Variants in TANC2 observed in about 807,000 individuals in gnomAD.
TANC2 encodes the protein tetratricopeptide repeat, ankyrin repeat and coiled-coil containing 2.
A neutral mutation model predicts 210.5 loss-of-function variants in TANC2; 26 were observed. That is an observed-to-expected ratio of 0.12 (90% CI 0.09 to 0.17). TANC2 has a LOEUF of 0.17. Ranked by LOEUF, TANC2 falls within the 10% of genes least tolerant of loss-of-function variation. The pLI, the probability that TANC2 is intolerant of heterozygous loss-of-function variation, is 1.00. For missense variants in TANC2, 2,129 were observed against 2,608.9 expected (o/e 0.82, Z 4.01); for synonymous variants, 931 against 967.1 (o/e 0.96, Z 0.69).
intron 14 of TANC2, among the ~76,000 whole-genome samples, chr17:63,368,750 T>C (rs2047180344): frequency 6.6e-6 from 1 of 152,134 alleles, no homozygotes; most frequent in Non-Finnish European, 1.5e-5. Flanking sequence ...AAAAACTACA[T>C]GTGAAATGAA....
Position 63,399,156 on chromosome 17 carries a change from G to A in TANC2, c.3331+242G>A, listed in dbSNP as rs8073525. The A allele has an allele frequency of 7.7e-3, 2,123 of 274,610 alleles. 47 individuals are homozygous for A. The highest frequency in any genetic ancestry group is 0.042 in the African/African-American group (1,934 of 45,544). The allele number at this position is 274,610 out of a possible 1,614,324, so 17.0% of individuals were successfully genotyped here. On this transcript the variant is annotated intron_variant, in intron 19 of 27. Coordinates refer to ENST00000689528, the Ensembl canonical transcript of TANC2. The stretch of plus-strand genomic sequence containing the variant: ...TCAAACAAAACTTTTTCCCTCTCTT[G>A]TTTCCAAATATTTTTAAAAGACTGA...
In TANC2 at chr17:63,255,955, G is replaced by A. The variant is rs146180760; in HGVS notation, c.1034-11793G>A. On this transcript the variant is annotated intron_variant, in intron 8 of 27. Transcript: ENST00000689528. ...CAGTCTCACTCTGTTGCCCTGGCTG[G>A]AGTGCAGTGGTGTGATCCCAGCTCA... Among the ~76,000 whole-genome samples the A allele has an allele frequency of 4.8e-5, 7 of 144,546 alleles. No homozygotes were observed. The East Asian group carries it at 1.4e-3, about 29-fold the overall frequency. The allele number at this position is 144,546 out of a possible 152,430, so 94.8% of individuals were successfully genotyped here. A position where few individuals can be genotyped will look rare whatever the true frequency, so the allele number is the denominator to read the frequency against.
chr17:63,284,987 T>A (rs970825170), intron 9 of TANC2, among the ~76,000 whole-genome samples: 1 of 152,164 alleles, frequency 6.6e-6, no homozygotes, highest in Non-Finnish European at 1.5e-5. Context: ...GACCTTTTTT[T>A]AATCCTTGAT....
intron 17 of TANC2, among the ~76,000 whole-genome samples, chr17:63,394,923 A>C (rs1400525433): frequency 6.6e-6 from 1 of 152,216 alleles, no homozygotes; most frequent in Non-Finnish European, 1.5e-5. Context: ...CTCTGTATTC[A>C]GTAAATATTC....
Position 63,411,519 on chromosome 17 carries a change from A to G in TANC2, c.3598A>G (p.Ile1200Val). The change falls in exon 22 of 28, where the codon ATT becomes GTT. Residue 1200 changes from isoleucine (I) to valine (V), a missense_variant. Around this residue, in one of 5 missense-constraint regions of TANC2, gnomAD observed 644 missense variants for 937.5 expected, o/e 0.69. Coordinates refer to ENST00000689528, the Ensembl canonical transcript of TANC2. Reference sequence around the variant, plus strand: ...ATCACTTGCCTTTGCAGGTGCCTCCATTGCTCTTATGGACAAAGAAGGATT... The same window carrying G: ...ATCACTTGCCTTTGCAGGTGCCTCCGTTGCTCTTATGGACAAAGAAGGATT... 2 of 1,610,084 alleles carry G rather than the reference A, an allele frequency of 1.2e-6. No homozygotes were observed. Among genetic ancestry groups the G allele is most frequent in the Non-Finnish European group, 1.7e-6 (2 of 1,177,884 alleles).
intron 26 of TANC2, among the ~76,000 whole-genome samples, chr17:63,416,584 C>G (rs2048868191): frequency 6.6e-6 from 1 of 152,194 alleles, no homozygotes; most frequent in East Asian, 1.9e-4. Flanking sequence ...TGGAAGGAAC[C>G]TGAGTTAAAC....
At chr17:63,339,668 T>G in intron 11 of TANC2, among the ~76,000 whole-genome samples, 1 of 152,238 alleles carries the variant, frequency 6.6e-6, no homozygotes, top group African/African-American at 2.4e-5. Flanking sequence ...GTATATGTGT[T>G]TGTTGAGACT....
intron 1 of TANC2, among the ~76,000 whole-genome samples, chr17:62,988,849 C>G (rs1188152313): frequency 2.6e-5 from 4 of 152,098 alleles, no homozygotes; most frequent in Admixed American, 2.6e-4. Flanking sequence ...TTTCAGCATG[C>G]CCAGGAACTG....
intron 16 of TANC2, 51 bp from the exon 17 acceptor site, chr17:63,389,257 A>G (rs2047884903): frequency 7.1e-7 from 1 of 1,400,082 alleles, no homozygotes. Context: ...GATGACTAAA[A>G]GGATGTGACT....
At chr17:63,360,474 A>AT (rs938577308) in intron 14 of TANC2, among the ~76,000 whole-genome samples, 4 of 151,630 alleles carry the variant, frequency 2.6e-5, no homozygotes, top group South Asian at 2.1e-4. Context: ...CACACTTTCA[A>AT]TTTTTTTTTA....
chr17:63,395,013 C>CG (rs1202755785), intron 17 of TANC2, among the ~76,000 whole-genome samples: 1 of 152,186 alleles, frequency 6.6e-6, no homozygotes, highest in African/African-American at 2.4e-5. Context: ...ATCTAACTAC[C>CG]GCAGGACAAG....
chr17:63,122,727 A>G (rs2038535049), intron 4 of TANC2, among the ~76,000 whole-genome samples: 2 of 152,114 alleles, frequency 1.3e-5, no homozygotes, highest in South Asian at 4.1e-4. Context: ...GTGAGACTGT[A>G]TCTCAAAAAA....
At chr17:63,127,556 A>C (rs1458516486) in intron 4 of TANC2, among the ~76,000 whole-genome samples, 1 of 152,238 alleles carries the variant, frequency 6.6e-6, no homozygotes, top group Non-Finnish European at 1.5e-5. Context: ...GAAATGTGAC[A>C]AAGTAGAAAT....
chr17:63,004,592 T>TAAAAAA (rs60120400), intron 1 of TANC2: 3 of 153,282 alleles, frequency 2.0e-5, no homozygotes, highest in Non-Finnish European at 4.0e-5. Context: ...AGCATAGCTT[T>TAAAAAA]AAAAAAAAAA....
chr17:63,060,909 T>C (rs2035974090), intron 2 of TANC2, among the ~76,000 whole-genome samples: 1 of 152,230 alleles, frequency 6.6e-6, no homozygotes, highest in Admixed American at 6.5e-5. Context: ...TTTCTTTTTC[T>C]TTATAAATCA....
At chr17:63,232,543 C>G (rs182767433) in intron 7 of TANC2, among the ~76,000 whole-genome samples, 1 of 152,206 alleles carries the variant, frequency 6.6e-6, no homozygotes. Context: ...GGGGTCCATC[C>G]CATCCTGTTC....
chr17:63,251,516 A>G (rs1220553619), intron 8 of TANC2, among the ~76,000 whole-genome samples: 1 of 152,194 alleles, frequency 6.6e-6, no homozygotes, highest in Non-Finnish European at 1.5e-5. Context: ...TGAAAGGAGA[A>G]GAATTTTGAA....
At chr17:63,205,361 A>C (rs1266256727) in intron 7 of TANC2, among the ~76,000 whole-genome samples, 1 of 147,726 alleles carries the variant, frequency 6.8e-6, no homozygotes, top group African/African-American at 2.5e-5. Flanking sequence ...AAAAAAAAAA[A>C]AAAAAAAAAA....
chr17:63,029,666 A>AT (rs11398861), intron 2 of TANC2, among the ~76,000 whole-genome samples: 3,335 of 152,202 alleles, frequency 0.022, 113 homozygotes, highest in African/African-American at 0.075. Context: ...CTCCACAGAG[A>AT]TTTTTTAGTG....
Sources: gnomAD v4.1 joint callset for allele counts (sites outside exome capture counted in the v4.1 genomes callset) on GRCh38, gnomAD v4.1.1 for gene constraint, gnomAD v4.1.1 regional missense constraint, MANE v1.5 for transcripts, NCBI Gene and HGNC (gene_info 2026-07-23, HGNC 2026-07-21) for gene names.